Variants in TYW1B observed in about 807,000 individuals in gnomAD.
The protein encoded by TYW1B is tRNA-yW synthesizing protein 1 homolog B.
A neutral mutation model predicts 86.9 loss-of-function variants in TYW1B; 73 were observed. The observed-to-expected ratio is 0.84, with a 90% CI of 0.70 to 1.02. The LOEUF (loss-of-function observed/expected upper bound fraction) is 1.02, where lower values mean the gene tolerates loss of function less well. TYW1B is among the 50% of genes least tolerant of loss of function. TYW1B has a pLI of 0.00. For synonymous variants in TYW1B, 248 were observed against 292.8 expected (o/e 0.85, Z 1.56); for missense variants, 637 against 827.4 (o/e 0.77, Z 2.82).
At chr7:72,733,384 G>A (rs2129571133) in intron 8 of TYW1B, among the ~76,000 whole-genome samples, 1 of 152,294 alleles carries the variant, frequency 6.6e-6, no homozygotes, top group African/African-American at 2.4e-5. Flanking sequence ...CCTTGGCCGG[G>A]CGCGGTGGCT....
intron 6 of TYW1B, among the ~76,000 whole-genome samples, chr7:72,800,763 A>G (rs1317109234): frequency 2.0e-5 from 3 of 150,324 alleles, no homozygotes; most frequent in Admixed American, 1.3e-4. Context: ...CATCCTTCTC[A>G]TCACTACTTT....
intron 8 of TYW1B, among the ~76,000 whole-genome samples, chr7:72,732,725 A>C (rs1787134399): frequency 6.6e-6 from 1 of 152,126 alleles, no homozygotes; most frequent in Non-Finnish European, 1.5e-5. Flanking sequence ...AAAACAAACC[A>C]AACCCAAAAT....
chr7:72,772,815 G>C (rs1585972739), intron 7 of TYW1B, among the ~76,000 whole-genome samples: 1 of 152,146 alleles, frequency 6.6e-6, no homozygotes, highest in Non-Finnish European at 1.5e-5. Context: ...GTGGATCAGT[G>C]GCTGGTTAAA....
chr7:72,769,466 A>G (rs1486000885), intron 7 of TYW1B, among the ~76,000 whole-genome samples: 1 of 152,170 alleles, frequency 6.6e-6, no homozygotes, highest in Non-Finnish European at 1.5e-5. Context: ...CTAGAAGAAA[A>G]TCTAGAATAT....
At position 72,796,857 on chromosome 7, in the gene TYW1B, T is replaced by C. The variant is rs144785009; in HGVS notation, c.846+5543A>G. Among the ~76,000 whole-genome samples, 489 of 147,412 alleles carry C rather than the reference T, an allele frequency of 3.3e-3. 4 individuals are homozygous for C. The highest frequency in any genetic ancestry group is 0.012 in the African/African-American group (470 of 39,948). On this transcript the variant is annotated intron_variant, in intron 6 of 13. Coordinates refer to ENST00000620995, the MANE Select transcript of TYW1B (RefSeq NM_001145440.3). ...AAGAATATATCTGGGCCAGTCATGG[T>C]ACAATGGTGCAATCTCGGCTCACTG...
chr7:72,823,687 G>T lies in TYW1B; in HGVS notation c.135+3168C>A, dbSNP rs181217609. 6.6e-3 allele frequency among the ~76,000 whole-genome samples: 1,009 copies of T among 152,098 alleles called. 15 individuals carry two copies. Among genetic ancestry groups the T allele is most frequent in the African/African-American group, 0.021 (871 of 41,534 alleles). ...AATAAAAATAAATTCAGATGGCGCA[G>T]CTTTAAGATGGAAGATGGCTATCTA... On this transcript the variant is annotated intron_variant, in intron 2 of 13. Transcript: ENST00000620995.
intron 7 of TYW1B, among the ~76,000 whole-genome samples, chr7:72,775,708 C>T (rs1193340717): frequency 3.3e-5 from 5 of 150,554 alleles, no homozygotes; most frequent in Non-Finnish European, 5.9e-5. Context: ...TCCTTGGAGT[C>T]GCCACAGGTA....
intron 7 of TYW1B, among the ~76,000 whole-genome samples, chr7:72,766,301 C>T (rs1787767894): frequency 6.6e-6 from 1 of 152,194 alleles, no homozygotes; most frequent in African/African-American, 2.4e-5. Flanking sequence ...ATTAAGTTTA[C>T]CTTTTATTTT....
rs186725927 is a variant in TYW1B, at chr7:72,813,902, C to G, written c.237+1478G>C. The stretch of plus-strand genomic sequence containing the variant: ...TGGTGGTGGGCACCTGTAATCCCAG[C>G]TACTCAGGAGGCTGAGGCAGGAGAA... On this transcript the variant is annotated intron_variant, in intron 3 of 13. Coordinates refer to ENST00000620995, the MANE Select transcript of TYW1B (RefSeq NM_001145440.3). 3.0e-4 allele frequency among the ~76,000 whole-genome samples: 45 copies of G among 151,950 alleles called. 1 individual carries two copies. The highest frequency in any genetic ancestry group is 1.0e-3 in the African/African-American group (43 of 41,452).
chr7:72,705,741 A>C (rs532523094), intron 10 of TYW1B, among the ~76,000 whole-genome samples: 2 of 152,170 alleles, frequency 1.3e-5, no homozygotes, highest in African/African-American at 2.4e-5. Context: ...ACAGGATTCA[A>C]ATGTCCACAA....
At chr7:72,740,258 G>A (rs1181551983) in intron 8 of TYW1B, among the ~76,000 whole-genome samples, 11 of 151,690 alleles carry the variant, frequency 7.3e-5, no homozygotes, top group African/African-American at 2.7e-4. Context: ...AAATTAGCCA[G>A]GTGTAGTAGC....
chr7:72,825,311 G>C (rs1788910332), intron 2 of TYW1B, among the ~76,000 whole-genome samples: 2 of 152,126 alleles, frequency 1.3e-5, no homozygotes, highest in Admixed American at 1.3e-4. Context: ...CTAGATATCA[G>C]CTGTATTTAC....
At chr7:72,701,017 T>C (rs190393472) in intron 10 of TYW1B, among the ~76,000 whole-genome samples, 1 of 151,892 alleles carries the variant, frequency 6.6e-6, no homozygotes, top group African/African-American at 2.4e-5. Context: ...TGAGCTGAGA[T>C]TGTGCCACTG....
chr7:72,826,700 A>C (rs1554481467), intron 2 of TYW1B, among the ~76,000 whole-genome samples, 155 bp downstream of exon 2: 1 of 152,234 alleles, frequency 6.6e-6, no homozygotes, highest in Non-Finnish European at 1.5e-5. Flanking sequence ...AAGATAACTT[A>C]GTCTCCAAAA....
intron 8 of TYW1B, among the ~76,000 whole-genome samples, chr7:72,730,818 T>C (rs782103780): frequency 1.3e-4 from 20 of 150,408 alleles, no homozygotes; most frequent in Non-Finnish European, 1.8e-4. Flanking sequence ...GGAAAAGACA[T>C]GGAAAAGTAA....
At chr7:72,664,455 T>A (rs1364057329) in intron 11 of TYW1B, among the ~76,000 whole-genome samples, 5 of 152,058 alleles carry the variant, frequency 3.3e-5, no homozygotes, top group African/African-American at 7.2e-5. Flanking sequence ...AAGAACAAGA[T>A]CATGTCCTCT....
intron 13 of TYW1B, among the ~76,000 whole-genome samples, chr7:72,614,347 G>C (rs1424491738): frequency 2.0e-5 from 3 of 152,004 alleles, no homozygotes; most frequent in South Asian, 2.1e-4. Context: ...TAAGACAGAG[G>C]TCAGACTGGG....
chr7:72,781,817 G>GATAT, intron 6 of TYW1B, among the ~76,000 whole-genome samples: 1 of 152,232 alleles, frequency 6.6e-6, no homozygotes, highest in East Asian at 1.9e-4. Context: ...AAGCTGCAGT[G>GATAT]GTCTGACATG....
intron 13 of TYW1B, among the ~76,000 whole-genome samples, chr7:72,579,899 C>T (rs1350526981): frequency 6.6e-6 from 1 of 151,730 alleles, no homozygotes; most frequent in African/African-American, 2.4e-5. Flanking sequence ...GATCCTCCCA[C>T]CTTGATCTCC....
Sources: allele counts gnomAD v4.1 joint callset (sites outside exome capture counted in the v4.1 genomes callset), GRCh38; gene constraint gnomAD v4.1.1; transcripts MANE v1.5; gene names NCBI Gene and HGNC (gene_info 2026-07-23, HGNC 2026-07-21).